The following SNRPN variants were observed in gnomAD, a reference collection of about 807,000 sequenced individuals.
SNRPN encodes small nuclear ribonucleoprotein-associated protein N.
Under a neutral mutation model 25.2 loss-of-function variants are expected in SNRPN, and 7 were observed. The observed-to-expected ratio is 0.28, with a 90% CI of 0.16 to 0.52. The LOEUF (loss-of-function observed/expected upper bound fraction) is 0.52, where lower values mean the gene tolerates loss of function less well. SNRPN is among the 20% of genes least tolerant of loss of function. The pLI, the probability that SNRPN is intolerant of heterozygous loss-of-function variation, is 0.96. For missense variants in SNRPN, 196 were observed against 322.5 expected (o/e 0.61, Z 3.00); for synonymous variants, 124 against 110.6 (o/e 1.12, Z -0.76).
intron 7 of SNRPN, among the ~76,000 whole-genome samples, chr15:24,977,355 A>G (rs1200132662): frequency 6.6e-6 from 1 of 152,156 alleles, no homozygotes; most frequent in Non-Finnish European, 1.5e-5. Context: ...AAATATGGGA[A>G]TAGGCCGGGT....
intron 1 of SNRPN, among the ~76,000 whole-genome samples, chr15:24,880,293 G>C (rs772280027): frequency 8.5e-4 from 129 of 152,234 alleles, no homozygotes; most frequent in Non-Finnish European, 1.5e-3. Flanking sequence ...CTCTAAAAGA[G>C]GGGGGTGGTG....
intron 2 of SNRPN, among the ~76,000 whole-genome samples, chr15:24,889,478 T>C (rs1407496879): frequency 6.6e-6 from 1 of 151,602 alleles, no homozygotes; most frequent in African/African-American, 2.4e-5. Flanking sequence ...AATTTTTTTT[T>C]GTATTTTTAG....
At chr15:24,882,030 A>G (rs1325773244) in intron 1 of SNRPN, among the ~76,000 whole-genome samples, 1 of 152,154 alleles carries the variant, frequency 6.6e-6, no homozygotes, top group Non-Finnish European at 1.5e-5. Context: ...GAGGTAGACT[A>G]TGAAGGCCTC....
chr15:24,900,826 T>C (rs963021345), intron 2 of SNRPN, among the ~76,000 whole-genome samples: 2 of 152,176 alleles, frequency 1.3e-5, no homozygotes, highest in Non-Finnish European at 1.5e-5. Flanking sequence ...TGCAGGCATG[T>C]GGCTCACACC....
At position 24,899,599 on chromosome 15, in the gene SNRPN, C is replaced by T. The variant is rs1018131302; in HGVS notation, c.-505+13010C>T. ...CTTTTCTAGCATCAGGCTCCTACAA[C>T]GCATGACAGTCAGCAGCACTAGTGG... On this transcript the variant is annotated intron_variant, in intron 2 of 11. Coordinates refer to the SNRPN transcript ENST00000400097. Among the ~76,000 whole-genome samples, 4 of 152,194 alleles carry T rather than the reference C, an allele frequency of 2.6e-5. No homozygotes were observed. In the East Asian group the frequency reaches 5.8e-4, roughly 22 times the overall value.
chr15:24,824,510 G>C lies in SNRPN; in HGVS notation c.-687+660G>C, dbSNP rs77399756. On this transcript the variant is annotated intron_variant, in intron 1 of 12. Transcript: ENST00000400100. ...TTTCTTACTCCTTTATGAGTGATTAGTTTGCACTGAAATAAAAATGCCACT... is the reference window on the plus strand; with the variant it reads ...TTTCTTACTCCTTTATGAGTGATTACTTTGCACTGAAATAAAAATGCCACT... 4.9e-3 allele frequency among the ~76,000 whole-genome samples: 747 copies of C among 152,108 alleles called. 14 individuals carry two copies. Among genetic ancestry groups the C allele is most frequent in the African/African-American group, 0.014 (572 of 41,442 alleles).
At chr15:24,882,275 T>C (rs1321395173) in intron 1 of SNRPN, among the ~76,000 whole-genome samples, 1 of 152,206 alleles carries the variant, frequency 6.6e-6, no homozygotes, top group Non-Finnish European at 1.5e-5. Flanking sequence ...CAGATTTTAA[T>C]TAAAATTTAT....
At chr15:24,920,931 C>T (rs918260157) in intron 3 of SNRPN, among the ~76,000 whole-genome samples, 1 of 152,132 alleles carries the variant, frequency 6.6e-6, no homozygotes, top group South Asian at 2.1e-4. Context: ...AGGTTTGTTT[C>T]GGAGAGTTAC....
At chr15:24,918,479 T>TAA (rs1280363429) in intron 2 of SNRPN, among the ~76,000 whole-genome samples, 1 of 131,066 alleles carries the variant, frequency 7.6e-6, no homozygotes, top group African/African-American at 2.7e-5. Context: ...TGTATATATA[T>TAA]AACATAATAT....
At chr15:24,876,970 A>G (rs777061281) in intron 1 of SNRPN, among the ~76,000 whole-genome samples, 6 of 152,174 alleles carry the variant, frequency 3.9e-5, no homozygotes, top group Admixed American at 6.6e-5. Flanking sequence ...GGTATTTTAT[A>G]ATTTTCTGTA....
At chr15:24,911,839 G>A (rs1472112917) in intron 2 of SNRPN, among the ~76,000 whole-genome samples, 3 of 152,214 alleles carry the variant, frequency 2.0e-5, no homozygotes, top group African/African-American at 7.2e-5. Context: ...ACTCAGTGGA[G>A]CCATAGGGAC....
At chr15:24,961,164 CATT>C (rs749991206) in intron 1 of SNRPN, among the ~76,000 whole-genome samples, 26 of 152,196 alleles carry the variant, frequency 1.7e-4, no homozygotes, top group East Asian at 1.5e-3. Context: ...AAGTAATAAA[CATT>C]ATCAGTGTAT....
At chr15:24,834,751 C>CTCTCTCTATATATATATATATA in intron 2 of SNRPN, among the ~76,000 whole-genome samples, 12 of 60,950 alleles carry the variant, frequency 2.0e-4, no homozygotes, top group Admixed American at 2.1e-4. Context: ...CTCTCTCTCT[C>CTCTCTCTATATATATATATATA]TATATATATA....
At chr15:24,928,644 T>C (rs1472712497) in intron 3 of SNRPN, among the ~76,000 whole-genome samples, 1 of 151,336 alleles carries the variant, frequency 6.6e-6, no homozygotes, top group Non-Finnish European at 1.5e-5. Flanking sequence ...TTCCCTCTTT[T>C]ATTTTTTTTG....
At chr15:24,970,589 T>C (rs2076277578) in intron 3 of SNRPN, among the ~76,000 whole-genome samples, 1 of 152,008 alleles carries the variant, frequency 6.6e-6, no homozygotes. Flanking sequence ...CAAAAAAAAA[T>C]TGTGTTATGA....
chr15:24,845,454 C>T (rs1214011242), intron 2 of SNRPN, among the ~76,000 whole-genome samples: 5 of 152,118 alleles, frequency 3.3e-5, no homozygotes. Context: ...AAAAATTAGC[C>T]GAGTGTGGTG....
intron 1 of SNRPN, among the ~76,000 whole-genome samples, chr15:24,868,113 G>A (rs1371568585): frequency 1.4e-5 from 2 of 139,186 alleles, no homozygotes; most frequent in Non-Finnish European, 1.5e-5. Context: ...GTATATGGGT[G>A]TGTGTGTGTA....
intron 3 of SNRPN, among the ~76,000 whole-genome samples, chr15:24,969,053 T>C (rs910427079): frequency 2.6e-5 from 4 of 152,238 alleles, no homozygotes; most frequent in African/African-American, 9.6e-5. Flanking sequence ...CTAGCCTTTT[T>C]TTAAGTCTGT....
At chr15:24,973,086 G>A (rs149551820) in intron 3 of SNRPN, among the ~76,000 whole-genome samples, 359 of 152,034 alleles carry the variant, frequency 2.4e-3, no homozygotes, top group African/African-American at 8.3e-3. Context: ...TAGGGTTTTC[G>A]CCATGTTGGC....
Sources: allele counts gnomAD v4.1 joint callset (sites outside exome capture counted in the v4.1 genomes callset), GRCh38; gene constraint gnomAD v4.1.1; transcripts MANE v1.5; gene names NCBI Gene and HGNC (gene_info 2026-07-23, HGNC 2026-07-21).